CUL3: variants seen among roughly 807,000 people sequenced by gnomAD.
CUL3 encodes cullin 3.
A neutral mutation model predicts 89.1 loss-of-function variants in CUL3; 19 were observed. The ratio of observed to expected loss-of-function variants is 0.21; its 90% CI spans 0.15 to 0.31. The LOEUF (loss-of-function observed/expected upper bound fraction) is 0.31, where lower values mean the gene tolerates loss of function less well. Among genes scored for constraint, CUL3 ranks in the 10% least tolerant of loss-of-function variants. The pLI, the probability that CUL3 is intolerant of heterozygous loss-of-function variation, is 1.00. For synonymous variants in CUL3, 351 were observed against 308.4 expected, an observed-to-expected ratio of 1.14 and a Z score of -1.45; for missense variants, 469 against 942.3, an observed-to-expected ratio of 0.50 and a Z score of 6.58.
intron 15 of CUL3, among the ~76,000 whole-genome samples, chr2:224,476,994 C>T (rs547899494): frequency 6.6e-6 from 1 of 152,298 alleles, no homozygotes; most frequent in Admixed American, 6.5e-5. Context: ...TTTCACGAGT[C>T]CAATGAAAAT....
At chr2:224,482,099 C>CA in intron 13 of CUL3, 21 bp from the exon 14 acceptor site, 1 of 1,560,876 alleles carries the variant, frequency 6.4e-7, no homozygotes, top group East Asian at 2.3e-5. Context: ...ATCAGATTAA[C>CA]ATAATTAGAC....
chr2:224,477,598 C>A (rs1691372488), intron 15 of CUL3, among the ~76,000 whole-genome samples: 1 of 152,224 alleles, frequency 6.6e-6, no homozygotes, highest in African/African-American at 2.4e-5. Flanking sequence ...ATCTGGACCA[C>A]AGCGGCACAT....
At position 224,512,342 on chromosome 2, in the gene CUL3, C is replaced by T. The variant is rs567450859; in HGVS notation, c.655-760G>A. Among the ~76,000 whole-genome samples the T allele has an allele frequency of 6.6e-5, 10 of 152,186 alleles. 1 individual carries two copies. The highest frequency in any genetic ancestry group is 4.2e-4 in the South Asian group (2 of 4,818). ...CAATCTCCTGATATAGTGATCCACT[C>T]GTCTCAGCCTCCCAAAGTGCTGGGA... On this transcript the variant is annotated intron_variant, in intron 5 of 15. Coordinates refer to ENST00000264414, the MANE Select transcript of CUL3 (RefSeq NM_003590.5).
chr2:224,570,315 A>G (rs1695154645), intron 1 of CUL3, among the ~76,000 whole-genome samples: 1 of 152,210 alleles, frequency 6.6e-6, no homozygotes, highest in South Asian at 2.1e-4. Flanking sequence ...CCAAGCTTTG[A>G]GAAAAACAGC....
chr2:224,550,149 T>C (rs1416346340), intron 2 of CUL3, among the ~76,000 whole-genome samples: 1 of 152,190 alleles, frequency 6.6e-6, no homozygotes, highest in Non-Finnish European at 1.5e-5. Flanking sequence ...CCTAAATGCA[T>C]GGGGACCCGA....
chr2:224,562,775 C>T (rs575960092), intron 1 of CUL3: 2 of 152,632 alleles, frequency 1.3e-5, no homozygotes, highest in African/African-American at 4.8e-5. Flanking sequence ...TGTCACATTC[C>T]ATTGTGCTAA....
chr2:224,492,932 G>C (rs1160746432), intron 13 of CUL3, among the ~76,000 whole-genome samples: 1 of 152,150 alleles, frequency 6.6e-6, no homozygotes, highest in Non-Finnish European at 1.5e-5. Flanking sequence ...TGAGGACAAA[G>C]AGCCACATGA....
chr2:224,581,616 C>A (rs1559248695), intron 1 of CUL3, among the ~76,000 whole-genome samples: 1 of 150,466 alleles, frequency 6.6e-6, no homozygotes, highest in Non-Finnish European at 1.5e-5. Context: ...GATTCTCGTG[C>A]CTTAGCCTCC....
At chr2:224,528,650 G>C (rs919018077) in intron 3 of CUL3, among the ~76,000 whole-genome samples, 1 of 152,044 alleles carries the variant, frequency 6.6e-6, no homozygotes, top group African/African-American at 2.4e-5. Context: ...AATACCAAAA[G>C]AGAGTTTCTC....
intron 1 of CUL3, among the ~76,000 whole-genome samples, chr2:224,559,048 T>A (rs952279515): frequency 6.7e-6 from 1 of 149,984 alleles, no homozygotes; most frequent in African/African-American, 2.5e-5. Flanking sequence ...AGAGCAAGAC[T>A]CTGTCTCAAA....
At chr2:224,509,470 G>A (rs1470040167) in intron 6 of CUL3, among the ~76,000 whole-genome samples, 1 of 152,184 alleles carries the variant, frequency 6.6e-6, no homozygotes, top group African/African-American at 2.4e-5. Context: ...ACCTGCTTCA[G>A]CCTCCCAAAA....
At chr2:224,583,362 CA>C (rs986724216) in intron 1 of CUL3, among the ~76,000 whole-genome samples, 3 of 150,328 alleles carry the variant, frequency 2.0e-5, no homozygotes, top group Admixed American at 6.6e-5. Flanking sequence ...ACTCTTGTCT[CA>C]AAAAAAAAGA....
Position 224,501,225 on chromosome 2 carries a change from T to A in CUL3, c.1486-738A>T, listed in dbSNP as rs1483959321. On this transcript the variant is annotated intron_variant, in intron 10 of 15. Transcript: ENST00000264414. Reference sequence around the variant, plus strand: ...CATATTTCTAATATTCCAGCACCTATTTCAACTACAGTTAATTAAAACTTT... The same window carrying A: ...CATATTTCTAATATTCCAGCACCTAATTCAACTACAGTTAATTAAAACTTT... Among the ~76,000 whole-genome samples, 4 of 152,324 alleles carry A rather than the reference T, an allele frequency of 2.6e-5. No individual in the cohort carries two copies. In the South Asian group the frequency reaches 8.3e-4, roughly 32 times the overall value.
intron 15 of CUL3, among the ~76,000 whole-genome samples, chr2:224,476,833 G>A (rs72972361): frequency 0.29 from 43,892 of 151,702 alleles, 6,682 homozygotes; most frequent in Middle Eastern, 0.4. Flanking sequence ...CCATTTTGGG[G>A]GGGAAAAAGC....
At chr2:224,574,643 G>C (rs925724748) in intron 1 of CUL3, among the ~76,000 whole-genome samples, 2 of 152,116 alleles carry the variant, frequency 1.3e-5, no homozygotes, top group African/African-American at 2.4e-5. Context: ...CACCCTCCAG[G>C]CTCCCTGTAA....
rs114026047 is a variant in CUL3, at chr2:224,561,893, G to C, written c.67-4037C>G. ...AACTAAGACACTATCTCTTGACATT[G>C]AGTAACAAATAGATAAAGCAAAATA... On this transcript the variant is annotated intron_variant, in intron 1 of 15. Transcript: ENST00000264414. Among the ~76,000 whole-genome samples the C allele has an allele frequency of 2.7e-3, 409 of 149,918 alleles. 2 individuals carry two copies. The highest frequency in any genetic ancestry group is 9.4e-3 in the African/African-American group (391 of 41,384).
intron 1 of CUL3, among the ~76,000 whole-genome samples, chr2:224,578,072 G>C (rs1364993254): frequency 6.6e-6 from 1 of 152,178 alleles, no homozygotes; most frequent in Admixed American, 6.5e-5. Context: ...TAAGCATTTA[G>C]AAAGTGTTAG....
chr2:224,585,162 CGCGGCG>C lies in CUL3; in HGVS notation c.-159_-154del, dbSNP rs1000422525. ...GGGAGCTGGCCGGCCCCTGGGCAGC[CGCGGCG>C]GCGGCGGGGGCGGCGGCGGCGGCGG... On this transcript the variant is annotated 5_prime_UTR_variant, in exon 1 of 16. Transcript: ENST00000264414. 2.9e-6 allele frequency: 1 copy of C among 345,526 alleles called. No individual in the cohort carries two copies. Among genetic ancestry groups the C allele is most frequent in the African/African-American group, 2.5e-5 (1 of 40,674 alleles). 21.4% of individuals were successfully genotyped at this position (345,526 alleles called of 1,614,324 possible). A position where few individuals can be genotyped will look rare whatever the true frequency, so the allele number is the denominator to read the frequency against.
intron 13 of CUL3, among the ~76,000 whole-genome samples, chr2:224,484,127 T>C (rs1019092678): frequency 1.3e-5 from 2 of 152,032 alleles, no homozygotes; most frequent in African/African-American, 4.8e-5. Context: ...GACATGATAA[T>C]ACCACTGCAC....
Sources: gnomAD v4.1 joint callset for allele counts (sites outside exome capture counted in the v4.1 genomes callset) on GRCh38, gnomAD v4.1.1 for gene constraint, MANE v1.5 for transcripts, NCBI Gene and HGNC (gene_info 2026-07-23, HGNC 2026-07-21) for gene names.